The following CACNA2D4 variants were observed in gnomAD, a reference collection of about 807,000 sequenced individuals.
CACNA2D4 encodes calcium voltage-gated channel auxiliary subunit alpha2delta 4.
CACNA2D4 carries 157 observed loss-of-function variants against 163.8 expected under a neutral mutation model. The observed-to-expected ratio is 0.96, with a 90% CI of 0.84 to 1.09. The LOEUF is 1.09. CACNA2D4 is among the 50% of genes least tolerant of loss of function. CACNA2D4 has a pLI of 0.00. For missense variants in CACNA2D4, 1,410 were observed against 1,479.9 expected, an observed-to-expected ratio of 0.95 and a Z score of 0.78; for synonymous variants, 598 against 586.9, an observed-to-expected ratio of 1.02 and a Z score of -0.27.
At position 1,844,103 on chromosome 12, in the gene CACNA2D4, C is replaced by G. The variant is rs1282878101; in HGVS notation, c.2470+299G>C. On this transcript the variant is annotated intron_variant, in intron 25 of 37. Coordinates refer to ENST00000382722, the MANE Select transcript of CACNA2D4 (RefSeq NM_172364.5). The surrounding 1 kb of genome is among the most constrained non-coding windows in gnomAD (Gnocchi z 4.2). ...AATCTTAGAGATGGACTCTTCTGATCTCATATTTGGAATTGGGGCTAGAAT... is the reference window on the plus strand; with the variant it reads ...AATCTTAGAGATGGACTCTTCTGATGTCATATTTGGAATTGGGGCTAGAAT... 6.6e-6 allele frequency among the ~76,000 whole-genome samples: 1 copy of G among 152,180 alleles called. No homozygotes were observed. The highest frequency in any genetic ancestry group is 2.4e-5 in the African/African-American group (1 of 41,436).
At position 1,828,818 on chromosome 12, in the gene CACNA2D4, A is replaced by C. The variant is rs919049890; in HGVS notation, c.2551+11921T>G. The stretch of plus-strand genomic sequence containing the variant: ...AGACTGAGCCGTCCATTTACCAAAA[A>C]GGGGAGGAAGCGTGAATGAAGGCAA... On this transcript the variant is annotated intron_variant, in intron 26 of 37. Coordinates refer to ENST00000382722, the MANE Select transcript of CACNA2D4 (RefSeq NM_172364.5). This position sits in a 1 kb window ranked among gnomAD's most constrained non-coding sequence, Gnocchi z 4.2. Among the ~76,000 whole-genome samples the C allele has an allele frequency of 3.9e-5, 6 of 152,208 alleles. No individual in the cohort carries two copies. The highest frequency in any genetic ancestry group is 7.3e-5 in the Non-Finnish European group (5 of 68,038).
rs116486384 is a variant in CACNA2D4, at chr12:1,811,418, C to T, written c.2613+244G>A. Among the ~76,000 whole-genome samples, 6 of 152,326 alleles carry T rather than the reference C, an allele frequency of 3.9e-5. No individual in the cohort carries two copies. In the South Asian group the frequency reaches 6.2e-4, roughly 16 times the overall value. On this transcript the variant is annotated intron_variant, in intron 27 of 37. Coordinates refer to ENST00000382722, the MANE Select transcript of CACNA2D4 (RefSeq NM_172364.5). ...TTTCAGCGGGGAGGCATGCCAGTGG[C>T]TTTGGAGTGGCGAGAAGGGGTGACT...
chr12:1,840,449 T>C (rs1015835827), intron 26 of CACNA2D4, among the ~76,000 whole-genome samples: 1 of 4,986 alleles, frequency 2.0e-4, no homozygotes, highest in Non-Finnish European at 4.0e-4. Flanking sequence ...AAGAGGGGGG[T>C]GGGTGGGGGG....
chr12:1,862,172 T>C (rs7304762), intron 18 of CACNA2D4, among the ~76,000 whole-genome samples: 12,998 of 152,272 alleles, frequency 0.085, 717 homozygotes, highest in Middle Eastern at 0.15. Context: ...TTTGGGGCTA[T>C]AGTGAATAAA....
chr12:1,866,558 G>A (rs1865654647), intron 18 of CACNA2D4, among the ~76,000 whole-genome samples: 1 of 152,162 alleles, frequency 6.6e-6, no homozygotes, highest in South Asian at 2.1e-4. Flanking sequence ...ATTTTCTGAA[G>A]CATTTTTGCT....
chr12:1,913,933 G>A (rs1387930976), intron 2 of CACNA2D4, among the ~76,000 whole-genome samples: 4 of 152,260 alleles, frequency 2.6e-5, no homozygotes, highest in East Asian at 1.9e-4. Flanking sequence ...GGCCACATCC[G>A]TACTGCTCTA....
chr12:1,885,668 G>T (rs946094716), intron 9 of CACNA2D4, among the ~76,000 whole-genome samples: 3 of 152,208 alleles, frequency 2.0e-5, no homozygotes, highest in Admixed American at 6.5e-5. Flanking sequence ...AAAGGTCCAG[G>T]TGGGAGGCAA....
intron 18 of CACNA2D4, among the ~76,000 whole-genome samples, chr12:1,867,474 A>G (rs1473928406): frequency 6.6e-6 from 1 of 151,996 alleles, no homozygotes; most frequent in Non-Finnish European, 1.5e-5. Context: ...TTATTCTACA[A>G]CCTGCTGGGA....
chr12:1,902,182 TA>T (rs141476361), intron 6 of CACNA2D4, among the ~76,000 whole-genome samples: 2 of 151,752 alleles, frequency 1.3e-5, no homozygotes, highest in Admixed American at 6.6e-5. Context: ...GTAAAACCCC[TA>T]AAAAAACTGG....
intron 37 of CACNA2D4, chr12:1,794,989 T>G: frequency 1.9e-6 from 1 of 535,176 alleles, no homozygotes; most frequent in Non-Finnish European, 3.3e-6. Flanking sequence ...CCAAGGGTCT[T>G]AGAGGCACCT....
intron 23 of CACNA2D4, among the ~76,000 whole-genome samples, chr12:1,849,963 T>C (rs1399412443): frequency 6.6e-6 from 1 of 152,218 alleles, no homozygotes. Flanking sequence ...TTTATGTAAC[T>C]AGGCTCCCAC....
intron 4 of CACNA2D4, 43 bp from the exon 5 acceptor site, chr12:1,908,080 G>T: frequency 6.4e-7 from 1 of 1,573,058 alleles, no homozygotes; most frequent in Non-Finnish European, 8.7e-7. Flanking sequence ...CCCGAGCACC[G>T]GGACAGGCGG....
chr12:1,829,820 G>T lies in CACNA2D4; in HGVS notation c.2551+10919C>A, dbSNP rs1199023068. ...TCTTTTCTCTAGGCTGGGTGGAACT[G>T]ACCTCGGCTGGGCTGACCTGGTGGG... On this transcript the variant is annotated intron_variant, in intron 26 of 37. Transcript: ENST00000382722. This position sits in a 1 kb window ranked among gnomAD's most constrained non-coding sequence, Gnocchi z 4.2. 6.6e-6 allele frequency among the ~76,000 whole-genome samples: 1 copy of T among 151,922 alleles called. No individual in the cohort carries two copies. Among genetic ancestry groups the T allele is most frequent in the Non-Finnish European group, 1.5e-5 (1 of 67,966 alleles).
At chr12:1,891,690 A>T (rs1190726882) in intron 6 of CACNA2D4, among the ~76,000 whole-genome samples, 2 of 152,032 alleles carry the variant, frequency 1.3e-5, no homozygotes, top group Non-Finnish European at 2.9e-5. Flanking sequence ...AATAAAAAAA[A>T]CTCAGGATAT....
At chr12:1,803,539 G>A (rs1242916503) in intron 29 of CACNA2D4, among the ~76,000 whole-genome samples, 1 of 152,134 alleles carries the variant, frequency 6.6e-6, no homozygotes, top group Non-Finnish European at 1.5e-5. Flanking sequence ...AAGTGGAAAT[G>A]GCTGACTTAT....
chr12:1,875,764 C>CTAA lies in CACNA2D4; in HGVS notation c.1720-430_1720-428dup, dbSNP rs1185047077. Among the ~76,000 whole-genome samples, 4 of 152,236 alleles carry CTAA rather than the reference C, an allele frequency of 2.6e-5. No individual in the cohort carries two copies. Among genetic ancestry groups the CTAA allele is most frequent in the African/African-American group, 7.2e-5 (3 of 41,470 alleles). On this transcript the variant is annotated intron_variant, in intron 16 of 37. Coordinates refer to ENST00000382722, the MANE Select transcript of CACNA2D4 (RefSeq NM_172364.5). This position sits in a 1 kb window ranked among gnomAD's most constrained non-coding sequence, Gnocchi z 4.0. ...GGATTTCCAAAGATACTTGTCACGC[C>CTAA]TAAGACTTCACTGCTCCAACTGAGT...
chr12:1,868,072 G>A (rs1290156875), intron 18 of CACNA2D4, among the ~76,000 whole-genome samples: 11 of 152,316 alleles, frequency 7.2e-5, no homozygotes, highest in African/African-American at 2.4e-4. Flanking sequence ...CTAAAGAAAT[G>A]AAAAGTAGAA....
intron 1 of CACNA2D4, among the ~76,000 whole-genome samples, chr12:1,915,497 A>G (rs1866951327): frequency 6.6e-6 from 1 of 152,192 alleles, no homozygotes; most frequent in African/African-American, 2.4e-5. Context: ...TGGCCTCTCA[A>G]TAAATCGTTC....
chr12:1,792,296 G>A lies in CACNA2D4; in HGVS notation c.*1359C>T, dbSNP rs952401016. The A allele has an allele frequency of 2.6e-5, 4 of 152,218 alleles. No homozygotes were observed. Among genetic ancestry groups the A allele is most frequent in the East Asian group, 1.9e-4 (1 of 5,200 alleles). 9.4% of individuals were successfully genotyped at this position (152,218 alleles called of 1,614,324 possible). A position where few individuals can be genotyped will look rare whatever the true frequency, so the allele number is the denominator to read the frequency against. The stretch of plus-strand genomic sequence containing the variant: ...TCACAGGGTTGTTGCAAGACATGAC[G>A]GTAAGAGTGACATTCTGTAACCGAT... On this transcript the variant is annotated 3_prime_UTR_variant, in exon 38 of 38. Transcript: ENST00000382722.
Sources: allele counts gnomAD v4.1 joint callset (sites outside exome capture counted in the v4.1 genomes callset), GRCh38; gene constraint gnomAD v4.1.1; non-coding constraint Gnocchi (gnomAD v3.1); transcripts MANE v1.5; gene names NCBI Gene and HGNC (gene_info 2026-07-23, HGNC 2026-07-21).